The following TP63 variants were observed in gnomAD, a reference collection of about 807,000 sequenced individuals.
TP63 encodes the protein tumor protein p63.
Under a neutral mutation model 82.8 loss-of-function variants are expected in TP63, and 17 were observed. That is an observed-to-expected ratio of 0.21 (90% CI 0.14 to 0.31). The LOEUF is 0.31. Among genes scored for constraint, TP63 ranks in the 10% least tolerant of loss-of-function variants. The probability of loss-of-function intolerance (pLI) is 1.00; values close to 1 mark genes in which losing one functional copy is unlikely to be tolerated. For missense variants in TP63, 648 were observed against 895.3 expected (o/e 0.72, Z 3.52); for synonymous variants, 330 against 321.7 (o/e 1.03, Z -0.28).
chr3:189,739,217 G>A (rs1431526212), intron 3 of TP63, among the ~76,000 whole-genome samples: 1 of 152,170 alleles, frequency 6.6e-6, no homozygotes, highest in Non-Finnish European at 1.5e-5. Context: ...CCTGATTCAA[G>A]TGATTTTGCT....
intron 1 of TP63, among the ~76,000 whole-genome samples, chr3:189,727,110 A>G (rs577228148): frequency 2.0e-5 from 3 of 152,374 alleles, no homozygotes; most frequent in African/African-American, 7.2e-5. Flanking sequence ...TATGGTGCAG[A>G]TTCTTCACTA....
chr3:189,804,279 C>A (rs761375070), intron 3 of TP63, among the ~76,000 whole-genome samples: 14 of 152,176 alleles, frequency 9.2e-5, no homozygotes, highest in African/African-American at 3.1e-4. Flanking sequence ...GCTCCCTTTA[C>A]CCCGCCAGAT....
At chr3:189,657,232 G>A (rs9829846) in intron 1 of TP63, among the ~76,000 whole-genome samples, 60,929 of 151,800 alleles carry the variant, frequency 0.4, 13,437 homozygotes, top group Middle Eastern at 0.64. Flanking sequence ...TTTTTGGGCA[G>A]TGAAACTATT....
At chr3:189,630,129 A>G (rs1729406955), upstream of TP63, among the ~76,000 whole-genome samples, 1 of 152,138 alleles carries the variant, frequency 6.6e-6, no homozygotes, top group Non-Finnish European at 1.5e-5. Context: ...ACACATTTTG[A>G]GTTAGATTTA....
At chr3:189,833,147 A>G (rs1712613574) in intron 4 of TP63, among the ~76,000 whole-genome samples, 2 of 152,178 alleles carry the variant, frequency 1.3e-5, no homozygotes, top group Non-Finnish European at 2.9e-5. Flanking sequence ...GTTTCCATTT[A>G]GTTTAAGCCT....
At chr3:189,709,439 A>C (rs559737600) in intron 1 of TP63, among the ~76,000 whole-genome samples, 31 of 152,040 alleles carry the variant, frequency 2.0e-4, no homozygotes, top group African/African-American at 7.2e-4. Context: ...TTATTTTTCC[A>C]CTATGGAGCC....
At chr3:189,602,901 A>G in the TP63 span, among the ~76,000 whole-genome samples, 3 of 152,260 alleles carry the variant, frequency 2.0e-5, no homozygotes, top group Non-Finnish European at 2.9e-5. Flanking sequence ...CTAGTGTTCT[A>G]TGTTTAATGG....
chr3:189,800,408 T>A (rs932593057), intron 3 of TP63, among the ~76,000 whole-genome samples: 1 of 151,436 alleles, frequency 6.6e-6, no homozygotes, highest in Non-Finnish European at 1.5e-5. Context: ...GTTGGGTCTC[T>A]GACCCTTTGC....
intron 4 of TP63, among the ~76,000 whole-genome samples, chr3:189,846,396 A>C (rs1714867521): frequency 6.6e-6 from 1 of 152,192 alleles, no homozygotes; most frequent in Admixed American, 6.5e-5. Flanking sequence ...TTGTTGAAAT[A>C]TTTAGTTCAT....
intron 3 of TP63, among the ~76,000 whole-genome samples, chr3:189,787,227 A>G (rs777115316): frequency 2.4e-4 from 37 of 152,222 alleles, no homozygotes; most frequent in Admixed American, 5.9e-4. Context: ...GAAGATGAGC[A>G]AACTGAGGGA....
intron 1 of TP63, among the ~76,000 whole-genome samples, chr3:189,656,686 A>G (rs1390165504): frequency 6.6e-6 from 1 of 152,164 alleles, no homozygotes; most frequent in African/African-American, 2.4e-5. Flanking sequence ...TGCCATGCTA[A>G]CACTAATATA....
Position 189,808,511 on chromosome 3 carries a change from G to A in TP63, c.564G>A (p.Lys188=), listed in dbSNP as rs1727178513. The change falls in exon 4 of 14, where the codon AAG becomes AAA. Residue 188 remains lysine (K), a synonymous_variant. Coordinates refer to ENST00000264731, the MANE Select transcript of TP63 (RefSeq NM_003722.5). ...DVSFQQSSTA[K]SATWTYSTEL... ...CCTTCCAGCAGTCGAGCACCGCCAA[G>A]TCGGCCACCTGGACGGTAAGAGCAG... 6.2e-7 allele frequency: 1 copy of A among 1,614,122 alleles called. No individual in the cohort carries two copies.
chr3:189,874,013 T>G (rs1157662850), intron 10 of TP63, among the ~76,000 whole-genome samples: 1 of 152,208 alleles, frequency 6.6e-6, no homozygotes, highest in Non-Finnish European at 1.5e-5. Flanking sequence ...AAAATGGTTA[T>G]TTTCTATGTT....
chr3:189,890,647 C>T, intron 12 of TP63, 142 bp from the exon 13 acceptor site: 2 of 704,956 alleles, frequency 2.8e-6, no homozygotes, highest in South Asian at 3.2e-5. Flanking sequence ...ACTTAAGGCC[C>T]ACATATATAT....
At chr3:189,880,065 C>T in intron 10 of TP63, 2 of 1,613,696 alleles carry the variant, frequency 1.2e-6, no homozygotes, top group South Asian at 1.1e-5. Flanking sequence ...TCTCTGCAGT[C>T]TCCTTTCAGC....
chr3:189,771,350 A>G (rs1723349814), intron 3 of TP63, among the ~76,000 whole-genome samples: 1 of 136,996 alleles, frequency 7.3e-6, no homozygotes, highest in African/African-American at 2.8e-5. Flanking sequence ...TTTATATAAT[A>G]TATTAAATAT....
intron 1 of TP63, among the ~76,000 whole-genome samples, chr3:189,674,155 A>G (rs982445289): frequency 1.3e-5 from 2 of 152,112 alleles, no homozygotes; most frequent in African/African-American, 4.8e-5. Flanking sequence ...ACCAGTGTAC[A>G]TAATGTCAGG....
At chr3:189,627,689 C>G (rs1412060680), upstream of TP63, among the ~76,000 whole-genome samples, 1 of 152,050 alleles carries the variant, frequency 6.6e-6, no homozygotes, top group Non-Finnish European at 1.5e-5. Context: ...TACACATAAT[C>G]TATAAAAACA....
At chr3:189,789,241 A>G (rs1170876574) in intron 3 of TP63, among the ~76,000 whole-genome samples, 1 of 152,084 alleles carries the variant, frequency 6.6e-6, no homozygotes, top group Non-Finnish European at 1.5e-5. Context: ...TTGTGTAATC[A>G]TTCTTGAAAC....
Sources: allele counts gnomAD v4.1 joint callset (sites outside exome capture counted in the v4.1 genomes callset), GRCh38; gene constraint gnomAD v4.1.1; transcripts MANE v1.5; gene names NCBI Gene and HGNC (gene_info 2026-07-23, HGNC 2026-07-21).